Variants in CREG2 observed in about 807,000 individuals in gnomAD.
CREG2 encodes cellular repressor of E1A stimulated genes 2, also known as protein CREG2.
Under a neutral mutation model 26.2 loss-of-function variants are expected in CREG2, and 24 were observed. The ratio of observed to expected loss-of-function variants is 0.92; its 90% CI spans 0.66 to 1.29. The LOEUF (loss-of-function observed/expected upper bound fraction) is 1.29. CREG2 is among the 50% of genes most tolerant of loss of function. CREG2 has a pLI of 0.00. For synonymous variants in CREG2, 174 were observed against 169.2 expected, an observed-to-expected ratio of 1.03 and a Z score of -0.22; for missense variants, 366 against 398.6, an observed-to-expected ratio of 0.92 and a Z score of 0.70.
At chr2:101,378,737 A>G (rs1165639434) in intron 2 of CREG2, among the ~76,000 whole-genome samples, 1 of 152,128 alleles carries the variant, frequency 6.6e-6, no homozygotes, top group African/African-American at 2.4e-5. Flanking sequence ...GTTCCACAGA[A>G]ATCGCCAACC....
At chr2:101,382,497 C>T in intron 2 of CREG2, 1 of 984,248 alleles carries the variant, frequency 1.0e-6, no homozygotes, top group Non-Finnish European at 1.2e-6. Context: ...TAACAGTAAG[C>T]TTGACTGACC....
chr2:101,352,692 C>A (rs1684400376), intron 3 of CREG2, among the ~76,000 whole-genome samples: 3 of 152,164 alleles, frequency 2.0e-5, no homozygotes. Flanking sequence ...CCTGTAATCC[C>A]AGCTACTCGG....
rs1684337430 is a variant in CREG2 at position 101,348,755 on chromosome 2, T to C, written c.*2168A>G. 1 of 152,186 alleles carries C rather than the reference T, an allele frequency of 6.6e-6. No homozygotes were observed. 9.4% of individuals were successfully genotyped at this position (152,186 alleles called of 1,614,324 possible). A position where few individuals can be genotyped will look rare whatever the true frequency, so the allele number is the denominator to read the frequency against. The stretch of plus-strand genomic sequence containing the variant: ...TCTCTAAATAGGGGTACTTTTTTTT[T>C]CTTTCGATCTGTATGCATTTAATCT... On this transcript the variant is annotated 3_prime_UTR_variant, in exon 4 of 4. Coordinates refer to ENST00000324768, the MANE Select transcript of CREG2 (RefSeq NM_153836.4).
chr2:101,355,392 T>C lies in CREG2; in HGVS notation c.612-26A>G, dbSNP rs745923249. 13 of 1,460,508 alleles carry C rather than the reference T, an allele frequency of 8.9e-6. 1 individual carries two copies. In the South Asian group the frequency reaches 1.3e-4, roughly 14 times the overall value. 90.5% of individuals were successfully genotyped at this position (1,460,508 alleles called of 1,614,324 possible). On this transcript the variant is annotated intron_variant, in intron 2 of 3. Coordinates refer to ENST00000324768, the MANE Select transcript of CREG2 (RefSeq NM_153836.4). The stretch of plus-strand genomic sequence containing the variant: ...CTGCATGTGAAAAACATTTTTTGTA[T>C]ATCAGAACAAGGACAGAACATCAGC...
chr2:101,374,554 G>A (rs898077630), intron 2 of CREG2, among the ~76,000 whole-genome samples: 4 of 152,208 alleles, frequency 2.6e-5, no homozygotes, highest in Non-Finnish European at 5.9e-5. Context: ...TTCTATAACC[G>A]ATTAGGTCTG....
At chr2:101,379,299 G>A (rs1194198909) in intron 2 of CREG2, among the ~76,000 whole-genome samples, 1 of 152,186 alleles carries the variant, frequency 6.6e-6, no homozygotes, top group Non-Finnish European at 1.5e-5. Context: ...AACTAGCCCA[G>A]GCTGGACTTG....
At chr2:101,368,542 G>A (rs947467789) in intron 2 of CREG2, among the ~76,000 whole-genome samples, 6 of 152,158 alleles carry the variant, frequency 3.9e-5, no homozygotes, top group African/African-American at 7.2e-5. Context: ...ACTCCAGCAG[G>A]AGACACAGAC....
intron 2 of CREG2, among the ~76,000 whole-genome samples, chr2:101,357,986 A>G (rs1279595149): frequency 6.6e-6 from 1 of 151,596 alleles, no homozygotes; most frequent in Non-Finnish European, 1.5e-5. Flanking sequence ...CAAAAAAAAA[A>G]AAAAAAAGCT....
chr2:101,368,273 G>A lies in CREG2; in HGVS notation c.612-12907C>T, dbSNP rs184134732. Among the ~76,000 whole-genome samples, 857 of 148,322 alleles carry A rather than the reference G, an allele frequency of 5.8e-3. 18 individuals are homozygous for A. Among genetic ancestry groups the A allele is most frequent in the African/African-American group, 0.02 (818 of 39,930 alleles). ...ATTGCACTCCAGCCTGGGCAACAGC[G>A]TGAGACTCCATCTCAAAAAAAAAAA... On this transcript the variant is annotated intron_variant, in intron 2 of 3. Transcript: ENST00000324768.
chr2:101,378,834 C>T (rs1298911469), intron 2 of CREG2, among the ~76,000 whole-genome samples: 3 of 151,916 alleles, frequency 2.0e-5, no homozygotes, highest in Non-Finnish European at 4.4e-5. Flanking sequence ...TGGTGAAACC[C>T]ATCTCTACTA....
intron 2 of CREG2, among the ~76,000 whole-genome samples, chr2:101,381,848 C>T (rs1309662684): frequency 2.0e-5 from 3 of 152,166 alleles, no homozygotes; most frequent in African/African-American, 7.2e-5. Context: ...GAAGAAGGTC[C>T]GCATACGTGG....
At chr2:101,360,070 T>C (rs1684517882) in intron 2 of CREG2, among the ~76,000 whole-genome samples, 3 of 152,210 alleles carry the variant, frequency 2.0e-5, no homozygotes, top group Admixed American at 2.0e-4. Context: ...GATCAATCAT[T>C]CCTCTGCTTA....
At chr2:101,382,549 T>C in intron 2 of CREG2, 1 of 985,368 alleles carries the variant, frequency 1.0e-6, no homozygotes, top group Non-Finnish European at 1.2e-6. Flanking sequence ...AATGTTTCTT[T>C]TCCTGGCTTC....
rs969581625 is a variant in CREG2 at position 101,346,014 on chromosome 2, T to G, written c.*4909A>C. On this transcript the variant is annotated 3_prime_UTR_variant, in exon 4 of 4. Coordinates refer to ENST00000324768, the MANE Select transcript of CREG2 (RefSeq NM_153836.4). ...TTTTTTTTTTTTTTTTTAATAAATA[T>G]TTTTTGTAGAGATGAGGTCTCACTA... is the stretch of plus-strand genomic sequence containing the variant. 1 of 151,306 alleles carries G rather than the reference T, an allele frequency of 6.6e-6. No homozygotes were observed. Among genetic ancestry groups the G allele is most frequent in the Non-Finnish European group, 1.5e-5 (1 of 67,840 alleles). The allele number at this position is 151,306 out of a possible 1,614,324, so 9.4% of individuals were successfully genotyped here.
intron 1 of CREG2, 82 bp downstream of exon 1, chr2:101,386,935 C>A (rs1684977042): frequency 1.7e-6 from 2 of 1,204,244 alleles, no homozygotes; most frequent in Non-Finnish European, 2.1e-6. Flanking sequence ...CAGTCCCGAG[C>A]GGTCGCGAGC....
intron 2 of CREG2, among the ~76,000 whole-genome samples, chr2:101,366,026 C>T (rs899121399): frequency 4.6e-5 from 7 of 152,208 alleles, no homozygotes; most frequent in Non-Finnish European, 1.0e-4. Flanking sequence ...CCCCAGTTTA[C>T]GTTATTCCAT....
chr2:101,364,395 A>G (rs1250749723), intron 2 of CREG2, among the ~76,000 whole-genome samples: 1 of 152,208 alleles, frequency 6.6e-6, no homozygotes. Context: ...GTAACAACCA[A>G]AAAGGTCTCC....
At chr2:101,369,546 G>A (rs968753822) in intron 2 of CREG2, among the ~76,000 whole-genome samples, 1 of 152,150 alleles carries the variant, frequency 6.6e-6, no homozygotes, top group Non-Finnish European at 1.5e-5. Context: ...GATAGAGCAG[G>A]AAGAGGTGTA....
chr2:101,362,282 A>G (rs1684554184), intron 2 of CREG2, among the ~76,000 whole-genome samples: 1 of 152,176 alleles, frequency 6.6e-6, no homozygotes, highest in South Asian at 2.1e-4. Flanking sequence ...CTTAAAATGA[A>G]ACAGACACCA....
Sources: gnomAD v4.1 joint callset for allele counts (sites outside exome capture counted in the v4.1 genomes callset) on GRCh38, gnomAD v4.1.1 for gene constraint, MANE v1.5 for transcripts, NCBI Gene and HGNC (gene_info 2026-07-23, HGNC 2026-07-21) for gene names.